FAT1: variants seen among roughly 807,000 people sequenced by gnomAD.
FAT1 encodes the protein FAT atypical cadherin 1.
A neutral mutation model predicts 329.8 loss-of-function variants in FAT1; 171 were observed. The observed-to-expected ratio is 0.52, with a 90% CI of 0.46 to 0.59. The LOEUF is 0.59. Among genes scored for constraint, FAT1 ranks in the 20% least tolerant of loss-of-function variants. The pLI is 0.00. For missense variants in FAT1, 5,672 were observed against 5,774.4 expected (o/e 0.98, Z 0.57); for synonymous variants, 2,233 against 2,228.6 (o/e 1.00, Z -0.06).
intron 2 of FAT1, among the ~76,000 whole-genome samples, chr4:186,669,585 A>G (rs1399759881): frequency 6.6e-6 from 1 of 152,232 alleles, no homozygotes; most frequent in Non-Finnish European, 1.5e-5. Flanking sequence ...TTAAGTAAGA[A>G]TATTTATCAT....
intron 2 of FAT1, among the ~76,000 whole-genome samples, chr4:186,689,169 T>A (rs919083375): frequency 6.6e-5 from 10 of 152,216 alleles, no homozygotes; most frequent in African/African-American, 2.2e-4. Flanking sequence ...CTGGTCTAAA[T>A]AAATCTTTTG....
intron 1 of FAT1, among the ~76,000 whole-genome samples, 176 bp downstream of exon 1, chr4:186,723,488 G>A (rs191486940): frequency 2.0e-4 from 31 of 152,314 alleles, no homozygotes; most frequent in Non-Finnish European, 4.0e-4. Flanking sequence ...AGCCAGTGCT[G>A]AATTTCCCAA....
At chr4:186,671,037 T>A (rs1183331221) in intron 2 of FAT1, among the ~76,000 whole-genome samples, 1 of 152,218 alleles carries the variant, frequency 6.6e-6, no homozygotes, top group Non-Finnish European at 1.5e-5. Flanking sequence ...TTCTACTTTC[T>A]GCTCCATTTT....
intron 4 of FAT1, among the ~76,000 whole-genome samples, chr4:186,638,966 A>AT (rs1740970950): frequency 6.7e-6 from 1 of 149,652 alleles, no homozygotes; most frequent in Admixed American, 6.6e-5. Context: ...CACGGCCCAG[A>AT]GATCTCATCA....
intron 9 of FAT1, among the ~76,000 whole-genome samples, chr4:186,622,925 C>CCACGAGTG (rs1239965023): frequency 2.8e-4 from 43 of 152,364 alleles, no homozygotes; most frequent in African/African-American, 1.0e-3. Flanking sequence ...TCTAGGTTTG[C>CCACGAGTG]CACGAGTGTG....
intron 2 of FAT1, among the ~76,000 whole-genome samples, chr4:186,679,394 G>T (rs1372920241): frequency 1.4e-5 from 2 of 141,834 alleles, no homozygotes; most frequent in African/African-American, 5.2e-5. Flanking sequence ...TCCAGCCTGG[G>T]TGACAGAGTG....
chr4:186,605,393 C>T, intron 17 of FAT1, among the ~76,000 whole-genome samples: 1 of 99,154 alleles, frequency 1.0e-5, no homozygotes. Context: ...AGAGTGGAGA[C>T]AGTGAAATGG....
intron 26 of FAT1, chr4:186,590,794 A>G (rs1579281726): frequency 2.5e-6 from 1 of 396,140 alleles, no homozygotes; most frequent in East Asian, 7.1e-5. Context: ...ATCCAAATAC[A>G]TCTACAGCTA....
chr4:186,697,382 G>A (rs78614693), intron 2 of FAT1, among the ~76,000 whole-genome samples: 1 of 152,210 alleles, frequency 6.6e-6, no homozygotes, highest in Non-Finnish European at 1.5e-5. Flanking sequence ...ACGCACAGAT[G>A]TGGGTGTGCG....
intron 6 of FAT1, among the ~76,000 whole-genome samples, chr4:186,634,035 C>T (rs558499355): frequency 2.0e-5 from 3 of 152,258 alleles, no homozygotes; most frequent in African/African-American, 7.2e-5. Context: ...AAGCAACTAA[C>T]TGAAAGAAAG....
intron 10 of FAT1, 88 bp downstream of exon 10, chr4:186,617,620 C>T: frequency 9.1e-7 from 1 of 1,096,858 alleles, no homozygotes; most frequent in Non-Finnish European, 1.3e-6. Context: ...CCTTAAATCC[C>T]CAATTTCCAT....
chr4:186,658,434 T>C lies in FAT1; in HGVS notation c.3580+4865A>G, dbSNP rs527263074. Among the ~76,000 whole-genome samples the C allele has an allele frequency of 4.6e-5, 7 of 152,302 alleles. No homozygotes were observed. In the East Asian group the frequency reaches 1.4e-3, roughly 29 times the overall value. On this transcript the variant is annotated intron_variant, in intron 3 of 26. Coordinates refer to ENST00000441802, the MANE Select transcript of FAT1 (RefSeq NM_005245.4). ...CTTTCTTGTTGTGACTTTTAAAATA[T>C]TTTGTTACACTATGACAAAAGGGGA... is the stretch of plus-strand genomic sequence containing the variant.
Position 186,695,457 on chromosome 4 carries a change from C to T in FAT1, c.3265+11106G>A, listed in dbSNP as rs183633032. ...TTGTAATTTTGGAAGGTATGGGAGA[C>T]AGGGTGTCTCAAGTGGAAGAGCAGC... On this transcript the variant is annotated intron_variant, in intron 2 of 26. Transcript: ENST00000441802. 7.9e-3 allele frequency among the ~76,000 whole-genome samples: 1,199 copies of T among 152,290 alleles called. 20 individuals are homozygous for T. The highest frequency in any genetic ancestry group is 0.028 in the African/African-American group (1,171 of 41,550).
At chr4:186,711,046 C>T (rs1744924559) in intron 1 of FAT1, among the ~76,000 whole-genome samples, 1 of 152,214 alleles carries the variant, frequency 6.6e-6, no homozygotes, top group Non-Finnish European at 1.5e-5. Flanking sequence ...GCACTGTCAT[C>T]TTGCAAAGTG....
intron 2 of FAT1, among the ~76,000 whole-genome samples, chr4:186,685,094 C>G (rs1403637833): frequency 6.6e-6 from 1 of 152,192 alleles, no homozygotes; most frequent in Non-Finnish European, 1.5e-5. Context: ...GCGCACATTC[C>G]TGCCTTATCT....
chr4:186,639,911 G>C (rs894855360), intron 3 of FAT1, 128 bp from the exon 4 acceptor site: 10 of 711,740 alleles, frequency 1.4e-5, no homozygotes, highest in East Asian at 2.7e-5. Flanking sequence ...GGAGGCCCAG[G>C]GGGGTGGATT....
rs1014593284 is a variant in FAT1, at chr4:186,722,605, A to G, written c.-19+1059T>C. The stretch of plus-strand genomic sequence containing the variant: ...CACCTTTTCAAACGTCCCTGTAACA[A>G]CTGGATGTGTTGGACAGCATAACCA... On this transcript the variant is annotated intron_variant, in intron 1 of 26. Transcript: ENST00000441802. 5.3e-5 allele frequency among the ~76,000 whole-genome samples: 8 copies of G among 152,346 alleles called. No individual in the cohort carries two copies. In the South Asian group the frequency reaches 6.2e-4, roughly 12 times the overall value.
At chr4:186,682,697 G>C (rs1743286441) in intron 2 of FAT1, among the ~76,000 whole-genome samples, 1 of 152,186 alleles carries the variant, frequency 6.6e-6, no homozygotes, top group Non-Finnish European at 1.5e-5. Flanking sequence ...CCAAAAGAAA[G>C]TCTGTTAGCA....
chr4:186,599,437 G>C (rs1326213744), intron 22 of FAT1, among the ~76,000 whole-genome samples: 1 of 152,090 alleles, frequency 6.6e-6, no homozygotes, highest in Admixed American at 6.6e-5. Flanking sequence ...AGACAGATAT[G>C]GCAACACTTC....
Sources: gnomAD v4.1 joint callset for allele counts (sites outside exome capture counted in the v4.1 genomes callset) on GRCh38, gnomAD v4.1.1 for gene constraint, MANE v1.5 for transcripts, NCBI Gene and HGNC (gene_info 2026-07-23, HGNC 2026-07-21) for gene names.